Variants in ADGRL2 observed in about 807,000 individuals in gnomAD.
ADGRL2 encodes calcium-independent alpha-latrotoxin receptor 2.
Under a neutral mutation model 157.4 loss-of-function variants are expected in ADGRL2, and 44 were observed. The observed-to-expected ratio is 0.28, with a 90% CI of 0.22 to 0.36. ADGRL2 has a LOEUF of 0.36. Ranked by LOEUF, ADGRL2 falls within the 10% of genes least tolerant of loss-of-function variation. ADGRL2 has a pLI of 1.00. For missense variants in ADGRL2, 1,510 were observed against 1,768.9 expected (o/e 0.85, Z 2.63); for synonymous variants, 585 against 624.7 (o/e 0.94, Z 0.95).
Position 81,642,075 on chromosome 1 carries a change from A to T in ADGRL2, c.-143+61095A>T, listed in dbSNP as rs149595795. Among the ~76,000 whole-genome samples, 861 of 139,260 alleles carry T rather than the reference A, an allele frequency of 6.2e-3. 11 individuals are homozygous for T. The highest frequency in any genetic ancestry group is 0.022 in the African/African-American group (824 of 37,314). The allele number at this position is 139,260 out of a possible 152,430, so 91.4% of individuals were successfully genotyped here. On this transcript the variant is annotated intron_variant, in intron 3 of 24. Transcript: ENST00000370721. ...GCCAACATGGCAAAACCCTCTCTCT[A>T]CTAAACATACAAAAAAAAAAAAATT...
chr1:81,670,423 G>A (rs1483191302), intron 3 of ADGRL2, among the ~76,000 whole-genome samples: 2 of 152,146 alleles, frequency 1.3e-5, no homozygotes, highest in African/African-American at 4.8e-5. Context: ...AGCTGTGCTT[G>A]TATATGTAGG....
chr1:81,456,300 G>T (rs1439927731), intron 2 of ADGRL2, among the ~76,000 whole-genome samples: 1 of 151,948 alleles, frequency 6.6e-6, no homozygotes, highest in East Asian at 1.9e-4. Context: ...GCTCATTGTA[G>T]CCCCAACCTC....
intron 2 of ADGRL2, among the ~76,000 whole-genome samples, chr1:81,538,270 A>G (rs2148303158): frequency 6.6e-6 from 1 of 152,170 alleles, no homozygotes; most frequent in Admixed American, 6.5e-5. Context: ...CACTCACGTA[A>G]TAGTTTGGAT....
chr1:81,755,112 C>A (rs1379919312), intron 1 of ADGRL2, among the ~76,000 whole-genome samples: 2 of 146,528 alleles, frequency 1.4e-5, no homozygotes, highest in Admixed American at 6.8e-5. Flanking sequence ...CACATAAGTT[C>A]TCTTTTAAAA....
chr1:81,767,874 A>C (rs1373067768), intron 2 of ADGRL2, among the ~76,000 whole-genome samples: 2 of 151,532 alleles, frequency 1.3e-5, no homozygotes, highest in Non-Finnish European at 2.9e-5. Flanking sequence ...AAAAAGAAAA[A>C]AAAAAAAGAA....
chr1:81,673,964 A>G (rs935205707), intron 3 of ADGRL2, among the ~76,000 whole-genome samples: 1 of 152,212 alleles, frequency 6.6e-6, no homozygotes, highest in Non-Finnish European at 1.5e-5. Context: ...AAGATCACCA[A>G]ATCATCATAT....
intron 2 of ADGRL2, among the ~76,000 whole-genome samples, chr1:81,762,675 G>A (rs2085925092): frequency 6.6e-6 from 1 of 152,086 alleles, no homozygotes; most frequent in Non-Finnish European, 1.5e-5. Context: ...GCAGGGTACA[G>A]AACTACATAC....
chr1:81,311,815 A>T (rs2100553981), intron 1 of ADGRL2, among the ~76,000 whole-genome samples: 1 of 152,310 alleles, frequency 6.6e-6, no homozygotes, highest in South Asian at 2.1e-4. Flanking sequence ...TTGGAAGTTA[A>T]AAGGAGAGGC....
intron 1 of ADGRL2, among the ~76,000 whole-genome samples, chr1:81,802,304 G>A (rs1557668934): frequency 6.6e-6 from 1 of 152,066 alleles, no homozygotes; most frequent in Non-Finnish European, 1.5e-5. Flanking sequence ...CCTCCAGTCC[G>A]GGGGTGGATG....
intron 2 of ADGRL2, among the ~76,000 whole-genome samples, chr1:81,527,645 G>A (rs370678592): frequency 6.6e-6 from 1 of 152,062 alleles, no homozygotes; most frequent in South Asian, 2.1e-4. Context: ...CCGGGAGGCG[G>A]AGGTTGCAGT....
At chr1:81,464,690 G>A (rs529944216) in intron 2 of ADGRL2, among the ~76,000 whole-genome samples, 1 of 152,230 alleles carries the variant, frequency 6.6e-6, no homozygotes, top group African/African-American at 2.4e-5. Flanking sequence ...TCCAGAACAA[G>A]TCTATAAGGC....
chr1:81,873,611 A>G lies in ADGRL2; in HGVS notation c.74-33406A>G, dbSNP rs1266701550. Reference sequence around the variant, plus strand: ...GTTTTAGAATTAGAATTCCTTCCACATGAGACAAGAACTGGTAAAATTTGC... The same window carrying G: ...GTTTTAGAATTAGAATTCCTTCCACGTGAGACAAGAACTGGTAAAATTTGC... On this transcript the variant is annotated intron_variant, in intron 2 of 23. Coordinates refer to ENST00000686636, the MANE Select transcript of ADGRL2 (RefSeq NM_001366006.2). Among the ~76,000 whole-genome samples the G allele has an allele frequency of 2.0e-5, 3 of 152,126 alleles. No individual in the cohort carries two copies. The East Asian group carries it at 5.8e-4, about 29-fold the overall frequency.
In ADGRL2 at chr1:81,589,333, A is replaced by G. The variant is rs116188833; in HGVS notation, c.-143+8353A>G. Reference sequence around the variant, plus strand: ...TATACAGTCCCAATCCCTACAGACTATATTTGGACCAAGCTGGAGAACTCA... The same window carrying G: ...TATACAGTCCCAATCCCTACAGACTGTATTTGGACCAAGCTGGAGAACTCA... On this transcript the variant is annotated intron_variant, in intron 3 of 24. Coordinates refer to the ADGRL2 transcript ENST00000370721. Among the ~76,000 whole-genome samples, 215 of 152,256 alleles carry G rather than the reference A, an allele frequency of 1.4e-3. 1 individual carries two copies. Among genetic ancestry groups the G allele is most frequent in the African/African-American group, 4.8e-3 (198 of 41,556 alleles).
chr1:81,529,838 A>C (rs894244628), intron 2 of ADGRL2, among the ~76,000 whole-genome samples: 2 of 152,196 alleles, frequency 1.3e-5, no homozygotes, highest in Admixed American at 1.3e-4. Context: ...CTGCAGTTTC[A>C]CCATCACACC....
At chr1:81,682,205 A>G (rs2083134617) in intron 3 of ADGRL2, among the ~76,000 whole-genome samples, 1 of 151,572 alleles carries the variant, frequency 6.6e-6, no homozygotes, top group African/African-American at 2.4e-5. Flanking sequence ...AAGAGAGGAG[A>G]TGAGGGGTCA....
intron 2 of ADGRL2, among the ~76,000 whole-genome samples, chr1:81,786,310 G>T (rs2087042846): frequency 6.6e-6 from 1 of 152,182 alleles, no homozygotes; most frequent in Non-Finnish European, 1.5e-5. Flanking sequence ...AGGTACAATG[G>T]CTCACGCCAA....
intron 1 of ADGRL2, among the ~76,000 whole-genome samples, chr1:81,418,605 A>T (rs11287939): frequency 0.47 from 71,501 of 151,698 alleles, 17,398 homozygotes; most frequent in Non-Finnish European, 0.53. Context: ...CAAAAAAAAA[A>T]TACCCAGGCG....
At chr1:81,879,360 C>G (rs1485989661) in intron 2 of ADGRL2, among the ~76,000 whole-genome samples, 1 of 152,046 alleles carries the variant, frequency 6.6e-6, no homozygotes, top group East Asian at 1.9e-4. Context: ...TTTGTTTTGA[C>G]CTTTCTCTGC....
At chr1:81,624,366 A>C (rs2148723335) in intron 3 of ADGRL2, among the ~76,000 whole-genome samples, 1 of 152,144 alleles carries the variant, frequency 6.6e-6, no homozygotes, top group Middle Eastern at 3.4e-3. Context: ...AGATCACTTG[A>C]GGCCAGGAGT....
Sources: allele counts gnomAD v4.1 joint callset (sites outside exome capture counted in the v4.1 genomes callset), GRCh38; gene constraint gnomAD v4.1.1; transcripts MANE v1.5; gene names NCBI Gene and HGNC (gene_info 2026-07-23, HGNC 2026-07-21).